Variants in ADA observed in about 807,000 individuals in gnomAD.
ADA encodes adenosine aminohydrolase.
ADA carries 45 observed loss-of-function variants against 49.0 expected under a neutral mutation model. That is an observed-to-expected ratio of 0.92 (90% CI 0.72 to 1.18). The LOEUF (loss-of-function observed/expected upper bound fraction) is 1.18, where lower values mean the gene tolerates loss of function less well. Ranked by LOEUF, ADA falls within the 50% of genes most tolerant of loss-of-function variation. ADA has a pLI of 0.00. For missense variants in ADA, 445 were observed against 472.5 expected (o/e 0.94, Z 0.54); for synonymous variants, 173 against 184.2 (o/e 0.94, Z 0.49).
At position 44,625,788 on chromosome 20, in the gene ADA, C is replaced by G. The variant is rs1264021785; in HGVS notation, c.363-104G>C. On this transcript the variant is annotated intron_variant, in intron 4 of 11. Transcript: ENST00000372874. ...GGAAGAGGAGGCTTTGGGGAGGACC[C>G]TCCTCCCCCACTGACCCACTGCCTC... The G allele has an allele frequency of 5.3e-5, 50 of 939,866 alleles. 1 individual carries two copies. In the Admixed American group the frequency reaches 9.3e-4, roughly 17 times the overall value. 58.2% of individuals were successfully genotyped at this position (939,866 alleles called of 1,614,324 possible).
chr20:44,622,802 T>C (rs977746470), intron 8 of ADA, 27 bp downstream of exon 8: 3 of 1,614,066 alleles, frequency 1.9e-6, no homozygotes, highest in Non-Finnish European at 2.5e-6. Context: ...CCGGGGATGG[T>C]TCCTCCCCAC....
At chr20:44,631,757 A>T (rs976643760) in intron 2 of ADA, among the ~76,000 whole-genome samples, 1 of 152,160 alleles carries the variant, frequency 6.6e-6, no homozygotes, top group African/African-American at 2.4e-5. Context: ...CCGGATCCAG[A>T]GGTCCACAGC....
Position 44,624,188 on chromosome 20 carries a change from CT to C in ADA, c.606+13del. The C allele has an allele frequency of 6.2e-7, 1 of 1,605,034 alleles. No homozygotes were observed. The highest frequency in any genetic ancestry group is 1.1e-5 in the South Asian group (1 of 89,864). On this transcript the variant is annotated intron_variant, in intron 6 of 11. Transcript: ENST00000372874. Reference sequence around the variant, plus strand: ...CCCAGGGCCAGCCTCTCCATTCCTTCTCACAGGACCCACCTGGTAGGCCTGG... The same window carrying C: ...CCCAGGGCCAGCCTCTCCATTCCTTCCACAGGACCCACCTGGTAGGCCTGG...
chr20:44,649,707 C>A (rs562116074), intron 1 of ADA, among the ~76,000 whole-genome samples: 2 of 150,258 alleles, frequency 1.3e-5, no homozygotes, highest in South Asian at 4.3e-4. Context: ...CCATAACTCC[C>A]AACATGTTCG....
chr20:44,625,455 G>A, intron 5 of ADA, 114 bp downstream of exon 5: 1 of 958,932 alleles, frequency 1.0e-6, no homozygotes, highest in Non-Finnish European at 1.6e-6. Context: ...GGCTCAAGGG[G>A]ACACCATGGG....
At chr20:44,620,548 G>A in intron 10 of ADA, 147 bp from the exon 11 acceptor site, 1 of 736,980 alleles carries the variant, frequency 1.4e-6, no homozygotes, top group African/African-American at 1.7e-5. Context: ...ACGGCAGCAA[G>A]TGCCAGAGTA....
Position 44,620,135 on chromosome 20 carries a change from C to T in ADA, c.1078+164G>A, listed in dbSNP as rs536271022. Among the ~76,000 whole-genome samples, 177 of 152,302 alleles carry T rather than the reference C, an allele frequency of 1.2e-3. No homozygotes were observed. The highest frequency in any genetic ancestry group is 9.3e-4 in the Non-Finnish European group (63 of 68,018). ...TCAAGAACTTTTATAGAAAACAAAC[C>T]GATCTAATGAGACGCTGCTCCCAGC... is the stretch of plus-strand genomic sequence containing the variant. On this transcript the variant is annotated intron_variant, in intron 11 of 11. Transcript: ENST00000372874.
chr20:44,621,105 G>A lies in ADA; in HGVS notation c.888C>T (p.Asp296=), dbSNP rs2123511163. The A allele has an allele frequency of 3.1e-6, 5 of 1,614,172 alleles. No homozygotes were observed. Among genetic ancestry groups the A allele is most frequent in the East Asian group, 4.5e-5 (2 of 44,888 alleles). The part of the protein sequence containing the change: ...DQANYSLNTD[D]PLIFKSTLDT... ...CCAGGGTGGACTTGAAGATGAGCGG[G>A]TCATCTGTGTTGAGCGAGTAGTTAG... The change falls in exon 10 of 12, where the codon GAC becomes GAT. Residue 296 remains aspartate, a synonymous_variant. Transcript: ENST00000372874.
intron 2 of ADA, 40 bp from the exon 3 acceptor site, chr20:44,629,209 G>C (rs1186730276): frequency 1.9e-6 from 3 of 1,613,684 alleles, no homozygotes; most frequent in Non-Finnish European, 2.5e-6. Context: ...ACCCGGGGCA[G>C]GATCCAGGCA....
chr20:44,648,216 C>T (rs2065610348), intron 1 of ADA, among the ~76,000 whole-genome samples: 1 of 152,092 alleles, frequency 6.6e-6, no homozygotes, highest in Non-Finnish European at 1.5e-5. Flanking sequence ...CTGCAACCCC[C>T]CTTTCCACTT....
rs932246505 is a variant in ADA at position 44,624,690 on chromosome 20, G to A, written c.479-361C>T. On this transcript the variant is annotated intron_variant, in intron 5 of 11. Transcript: ENST00000372874. ...ACTCATGGTAGGCTTATTCCCATGC[G>A]CAGATGAGGAAACGGAGGACCGTTT... Among the ~76,000 whole-genome samples the A allele has an allele frequency of 5.3e-5, 8 of 152,200 alleles. No homozygotes were observed. In the South Asian group the frequency reaches 6.2e-4, roughly 12 times the overall value.
intron 1 of ADA, among the ~76,000 whole-genome samples, chr20:44,648,322 C>T (rs914830914): frequency 1.3e-5 from 2 of 152,070 alleles, no homozygotes; most frequent in African/African-American, 4.8e-5. Flanking sequence ...CTGACGATGA[C>T]CCTGCATGGC....
intron 10 of ADA, 125 bp downstream of exon 10, chr20:44,620,893 G>T: frequency 7.5e-7 from 1 of 1,334,280 alleles, no homozygotes; most frequent in Non-Finnish European, 1.1e-6. Context: ...GTCTAGGTTG[G>T]GCTTGTCTTG....
chr20:44,636,399 T>C, intron 1 of ADA, 111 bp from the exon 2 acceptor site: 1 of 951,626 alleles, frequency 1.1e-6, no homozygotes, highest in Non-Finnish European at 1.6e-6. Context: ...TGATAACCAT[T>C]AGCCACCATT....
intron 1 of ADA, among the ~76,000 whole-genome samples, chr20:44,643,008 G>A (rs886298534): frequency 1.3e-5 from 2 of 152,088 alleles, no homozygotes; most frequent in African/African-American, 4.8e-5. Flanking sequence ...GTGTGGAGCA[G>A]AGGCAGGAAG....
intron 1 of ADA, among the ~76,000 whole-genome samples, chr20:44,639,032 A>C (rs569766048): frequency 1.3e-5 from 2 of 152,332 alleles, no homozygotes; most frequent in East Asian, 3.9e-4. Context: ...AGGCTGCAGG[A>C]TAGGACCACC....
rs201944717 is a variant in ADA, at chr20:44,622,852, G to T, written c.757C>A (p.Arg253=). ...LEDQALYNRL[R]QENMHFEICP... is the part of the protein sequence containing the mutation. ...ACCTCGAAGTGCATGTTTTCCTGCC[G>T]CAGCCTGTTATAAAGGGCCTGGTCT... Residue 253 remains arginine (R), a synonymous_variant, in exon 8 of 12, where the codon CGG becomes AGG. Coordinates refer to ENST00000372874, the MANE Select transcript of ADA (RefSeq NM_000022.4). 1 of 1,614,188 alleles carries T rather than the reference G, an allele frequency of 6.2e-7. No individual in the cohort carries two copies. The highest frequency in any genetic ancestry group is 8.5e-7 in the Non-Finnish European group (1 of 1,180,020).
At chr20:44,636,502 T>C (rs936680198) in intron 1 of ADA, among the ~76,000 whole-genome samples, 14 of 152,204 alleles carry the variant, frequency 9.2e-5, no homozygotes, top group African/African-American at 3.1e-4. Flanking sequence ...TCAGCTGTTA[T>C]CTCGATCTCT....
chr20:44,648,228 T>C (rs974367813), intron 1 of ADA, among the ~76,000 whole-genome samples: 2 of 152,066 alleles, frequency 1.3e-5, no homozygotes, highest in Non-Finnish European at 1.5e-5. Flanking sequence ...TTTCCACTTC[T>C]TCCAGTGCCC....
Sources: gnomAD v4.1 joint callset for allele counts (sites outside exome capture counted in the v4.1 genomes callset) on GRCh38, gnomAD v4.1.1 for gene constraint, MANE v1.5 for transcripts, NCBI Gene and HGNC (gene_info 2026-07-23, HGNC 2026-07-21) for gene names.